The following ME1 variants were observed in gnomAD, a reference collection of about 807,000 sequenced individuals.
ME1 encodes the protein NADP-dependent malic enzyme.
In ME1, 74 loss-of-function variants were observed where a neutral mutation model predicts 66.4. The ratio of observed to expected loss-of-function variants is 1.11; its 90% CI spans 0.92 to 1.35. ME1 has a LOEUF of 1.35. Ranked by LOEUF, ME1 falls within the 40% of genes most tolerant of loss-of-function variation. The pLI is 0.00. For missense variants in ME1, 750 were observed against 694.1 expected (o/e 1.08, Z -0.90); for synonymous variants, 251 against 235.6 (o/e 1.07, Z -0.60).
At chr6:83,251,836 A>C (rs1217334302) in intron 7 of ME1, among the ~76,000 whole-genome samples, 1 of 152,188 alleles carries the variant, frequency 6.6e-6, no homozygotes, top group Non-Finnish European at 1.5e-5. Context: ...AGTACAATGA[A>C]AATCCATCAA....
intron 2 of ME1, among the ~76,000 whole-genome samples, chr6:83,400,462 T>C (rs1415571678): frequency 1.3e-5 from 2 of 152,220 alleles, no homozygotes; most frequent in Admixed American, 1.3e-4. Flanking sequence ...GGTATTTCTT[T>C]ATAGCAATGC....
intron 4 of ME1, among the ~76,000 whole-genome samples, chr6:83,348,103 T>C (rs3823052): frequency 0.025 from 3,765 of 152,304 alleles, 158 homozygotes; most frequent in East Asian, 0.16. Context: ...TTTTTGCACA[T>C]TCAATACATT....
rs998446647 is a variant in ME1, at chr6:83,249,992, A to G, written c.814+3637T>C. ...ACAAATACAATAAAATATCTAACAT[A>G]GATGAATCCAGCTGTTCATTGTGGC... On this transcript the variant is annotated intron_variant, in intron 7 of 13. Coordinates refer to ENST00000369705, the MANE Select transcript of ME1 (RefSeq NM_002395.6). Among the ~76,000 whole-genome samples the G allele has an allele frequency of 2.0e-4, 31 of 152,188 alleles. 1 individual carries two copies. The highest frequency in any genetic ancestry group is 6.5e-4 in the African/African-American group (27 of 41,440).
At chr6:83,269,533 T>C (rs1767049919) in intron 6 of ME1, among the ~76,000 whole-genome samples, 1 of 152,166 alleles carries the variant, frequency 6.6e-6, no homozygotes. Context: ...AGTCAAAATA[T>C]AGCCAGTTTT....
intron 7 of ME1, among the ~76,000 whole-genome samples, chr6:83,244,513 T>C (rs994830632): frequency 6.6e-6 from 1 of 152,024 alleles, no homozygotes; most frequent in Non-Finnish European, 1.5e-5. Context: ...AGGTAGCAGA[T>C]GGTGTTTAAA....
intron 9 of ME1, among the ~76,000 whole-genome samples, chr6:83,234,646 C>T (rs936417017): frequency 6.6e-6 from 1 of 152,100 alleles, no homozygotes; most frequent in African/African-American, 2.4e-5. Context: ...TGGTTATGCC[C>T]CAATTAATTT....
intron 6 of ME1, among the ~76,000 whole-genome samples, chr6:83,301,314 T>TTCTCTC (rs560570045): frequency 1.2e-4 from 17 of 141,422 alleles, no homozygotes; most frequent in South Asian, 4.5e-4. Flanking sequence ...CTTTCTTTCT[T>TTCTCTC]TCTCTCTCTC....
At chr6:83,229,604 G>A (rs1191811506) in intron 9 of ME1, among the ~76,000 whole-genome samples, 1 of 152,102 alleles carries the variant, frequency 6.6e-6, no homozygotes, top group African/African-American at 2.4e-5. Flanking sequence ...TGAGAAGCAG[G>A]ACAAGTATAA....
At chr6:83,242,017 C>A (rs953252139) in intron 7 of ME1, among the ~76,000 whole-genome samples, 1 of 152,126 alleles carries the variant, frequency 6.6e-6, no homozygotes, top group African/African-American at 2.4e-5. Context: ...CACCCACCAC[C>A]ATGCCTGGCT....
intron 3 of ME1, among the ~76,000 whole-genome samples, chr6:83,368,015 A>G (rs1005178703): frequency 6.6e-6 from 1 of 152,114 alleles, no homozygotes; most frequent in Admixed American, 6.6e-5. Context: ...AGGCCATTGC[A>G]GGGTTATTAA....
chr6:83,377,625 A>C (rs1158546579), intron 3 of ME1, among the ~76,000 whole-genome samples: 1 of 151,988 alleles, frequency 6.6e-6, no homozygotes, highest in Non-Finnish European at 1.5e-5. Context: ...CCAAATATAT[A>C]ATATAATAAT....
At chr6:83,221,009 A>G (rs1790082078) in intron 12 of ME1, among the ~76,000 whole-genome samples, 1 of 152,148 alleles carries the variant, frequency 6.6e-6, no homozygotes, top group African/African-American at 2.4e-5. Context: ...AAATACAAAA[A>G]TTAGCTGGGC....
intron 3 of ME1, among the ~76,000 whole-genome samples, chr6:83,364,675 C>T (rs1216651701): frequency 1.3e-5 from 2 of 152,102 alleles, no homozygotes; most frequent in Non-Finnish European, 2.9e-5. Context: ...GGTACATATA[C>T]ACTTCATGCA....
At chr6:83,214,960 A>C (rs1789962893) in intron 13 of ME1, among the ~76,000 whole-genome samples, 1 of 152,004 alleles carries the variant, frequency 6.6e-6, no homozygotes, top group Non-Finnish European at 1.5e-5. Flanking sequence ...TTCCCCTCTA[A>C]TCATAAGCTA....
chr6:83,307,990 G>A (rs529332074), intron 6 of ME1, among the ~76,000 whole-genome samples: 1 of 152,094 alleles, frequency 6.6e-6, no homozygotes, highest in Non-Finnish European at 1.5e-5. Context: ...TCTCTGACTA[G>A]TCTGGTCTGT....
chr6:83,244,442 T>C (rs1306366400), intron 7 of ME1, among the ~76,000 whole-genome samples: 1 of 152,140 alleles, frequency 6.6e-6, no homozygotes, highest in Non-Finnish European at 1.5e-5. Context: ...TGTAGGGCCT[T>C]CTACTATATA....
intron 4 of ME1, among the ~76,000 whole-genome samples, chr6:83,349,982 T>C (rs941728257): frequency 2.0e-5 from 3 of 152,232 alleles, no homozygotes; most frequent in African/African-American, 7.2e-5. Flanking sequence ...AGTTTCAACT[T>C]TGCTAGAAAA....
intron 3 of ME1, among the ~76,000 whole-genome samples, chr6:83,353,271 T>C (rs1187555485): frequency 6.6e-6 from 1 of 152,222 alleles, no homozygotes; most frequent in Non-Finnish European, 1.5e-5. Flanking sequence ...AGGCACACCA[T>C]ATTTGGTATT....
At position 83,312,841 on chromosome 6, in the gene ME1, G is replaced by A. The variant is rs369409497; in HGVS notation, c.704+2469C>T. The stretch of plus-strand genomic sequence containing the variant: ...GTGATCTTGGCTAACTGCAACCTCC[G>A]CCTCCCAGGTTCAGGCAATTCTCGT... On this transcript the variant is annotated intron_variant, in intron 6 of 13. Transcript: ENST00000369705. Among the ~76,000 whole-genome samples the A allele has an allele frequency of 1.9e-4, 29 of 152,078 alleles. No individual in the cohort carries two copies. The East Asian group carries it at 4.3e-3, about 22-fold the overall frequency.
Sources: gnomAD v4.1 joint callset for allele counts (sites outside exome capture counted in the v4.1 genomes callset) on GRCh38, gnomAD v4.1.1 for gene constraint, MANE v1.5 for transcripts, NCBI Gene and HGNC (gene_info 2026-07-23, HGNC 2026-07-21) for gene names.